The following MFSD8 variants were observed in gnomAD, a reference collection of about 807,000 sequenced individuals.
MFSD8 encodes major facilitator superfamily domain-containing protein 8.
A neutral mutation model predicts 66.4 loss-of-function variants in MFSD8; 55 were observed. That is an observed-to-expected ratio of 0.83 (90% confidence interval 0.67 to 1.04). The LOEUF (loss-of-function observed/expected upper bound fraction) is 1.04, where lower values mean the gene tolerates loss of function less well. Ranked by LOEUF, MFSD8 falls within the 50% of genes least tolerant of loss-of-function variation. The pLI is 0.00. For missense variants in MFSD8, 550 were observed against 627.6 expected, an observed-to-expected ratio of 0.88 and a Z score of 1.32; for synonymous variants, 202 against 212.8, an observed-to-expected ratio of 0.95 and a Z score of 0.44.
At chr4:127,944,526 G>T (rs549465365) in intron 3 of MFSD8, among the ~76,000 whole-genome samples, 1 of 152,236 alleles carries the variant, frequency 6.6e-6, no homozygotes, top group South Asian at 2.1e-4. Flanking sequence ...AGACCACTCA[G>T]TATTCTACCA....
intron 1 of MFSD8, among the ~76,000 whole-genome samples, chr4:127,958,511 G>A (rs1743247130): frequency 6.6e-6 from 1 of 151,938 alleles, no homozygotes; most frequent in South Asian, 2.1e-4. Context: ...AAAGGAAGAA[G>A]AGAAACAATG....
chr4:127,948,672 T>G (rs779595187), intron 3 of MFSD8, among the ~76,000 whole-genome samples: 16 of 152,208 alleles, frequency 1.1e-4, no homozygotes, highest in South Asian at 2.1e-4. Flanking sequence ...ATGAAGGCTG[T>G]GCCCTCATGA....
intron 9 of MFSD8, among the ~76,000 whole-genome samples, chr4:127,927,324 G>A (rs1284941878): frequency 1.3e-5 from 2 of 151,996 alleles, no homozygotes; most frequent in Non-Finnish European, 2.9e-5. Flanking sequence ...TACAGGCACT[G>A]GCCACCACAC....
chr4:127,962,612 A>C (rs1743983051), intron 1 of MFSD8, among the ~76,000 whole-genome samples: 1 of 151,086 alleles, frequency 6.6e-6, no homozygotes, highest in Non-Finnish European at 1.5e-5. Context: ...TCAAGTAAAG[A>C]TAAAACTGCA....
chr4:127,937,281 G>T (rs1739246076), intron 7 of MFSD8, among the ~76,000 whole-genome samples: 1 of 152,136 alleles, frequency 6.6e-6, no homozygotes, highest in Non-Finnish European at 1.5e-5. Context: ...TATTCAGCTT[G>T]ATCCAAATTG....
intron 5 of MFSD8, among the ~76,000 whole-genome samples, chr4:127,941,473 T>G (rs894259792): frequency 3.3e-5 from 5 of 152,134 alleles, no homozygotes; most frequent in Non-Finnish European, 7.4e-5. Context: ...TCTCATTAAT[T>G]TTTTTTGAGA....
intron 9 of MFSD8, among the ~76,000 whole-genome samples, chr4:127,928,620 G>C (rs1017249572): frequency 9.9e-5 from 15 of 152,156 alleles, no homozygotes; most frequent in African/African-American, 3.4e-4. Context: ...TGGAGAAAGG[G>C]GAACCCTTGT....
intron 8 of MFSD8, among the ~76,000 whole-genome samples, chr4:127,931,459 G>A (rs536843898): frequency 6.6e-6 from 1 of 152,256 alleles, no homozygotes; most frequent in East Asian, 1.9e-4. Context: ...CTGGGTTCAA[G>A]CAATTCTCCT....
chr4:127,930,039 G>T (rs1737870669), intron 9 of MFSD8, among the ~76,000 whole-genome samples: 2 of 152,100 alleles, frequency 1.3e-5, no homozygotes, highest in South Asian at 4.1e-4. Flanking sequence ...GCCCAGGAAT[G>T]AGACTAGCCT....
intron 3 of MFSD8, 86 bp from the exon 4 acceptor site, chr4:127,944,078 C>T (rs1406169548): frequency 8.3e-6 from 13 of 1,566,466 alleles, no homozygotes; most frequent in Non-Finnish European, 1.1e-5. Flanking sequence ...GTAAGATTTC[C>T]TATCAAAAAA....
intron 11 of MFSD8, chr4:127,921,074 A>G: frequency 1.7e-6 from 1 of 576,278 alleles, no homozygotes; most frequent in Non-Finnish European, 3.1e-6. Flanking sequence ...TGGGAATAAT[A>G]AAATTGATTA....
chr4:127,965,580 C>T, upstream of MFSD8: 1 of 225,936 alleles, frequency 4.4e-6, no homozygotes, highest in Non-Finnish European at 9.1e-6. Context: ...CCGGCCAGCT[C>T]GATCGCAGGC....
chr4:127,949,696 T>G (rs1262050864), intron 3 of MFSD8, 108 bp downstream of exon 3: 13 of 917,862 alleles, frequency 1.4e-5, no homozygotes, highest in Non-Finnish European at 2.2e-5. Context: ...ATTATTCTTG[T>G]AAAGATTAAA....
At chr4:127,922,873 T>A (rs1236349892) in intron 9 of MFSD8, among the ~76,000 whole-genome samples, 1 of 152,172 alleles carries the variant, frequency 6.6e-6, no homozygotes, top group Non-Finnish European at 1.5e-5. Context: ...AATGATTCAT[T>A]AATGAATTAA....
At chr4:127,923,243 A>C (rs1354341526) in intron 9 of MFSD8, among the ~76,000 whole-genome samples, 1 of 152,212 alleles carries the variant, frequency 6.6e-6, no homozygotes, top group East Asian at 1.9e-4. Flanking sequence ...TTGCCCATTC[A>C]GTATGATACT....
rs752624076 is a variant in MFSD8, at chr4:127,965,088, C to G, written c.46G>C (p.Asp16His). 1.9e-6 allele frequency: 3 copies of G among 1,613,828 alleles called. No individual in the cohort carries two copies. The highest frequency in any genetic ancestry group is 2.5e-6 in the Non-Finnish European group (3 of 1,180,010). ...NESEQEPLLGDTPGSREWDIL... is the reference protein window; with the variant it reads ...NESEQEPLLGHTPGSREWDIL... ...TCCGCTCACCTGCTTCCAGGTGTGT[C>G]GCCTAAGAGCGGCTCCTGTTCACTT... The change falls in exon 1 of 12, where the codon GAC becomes CAC. Residue 16 changes from aspartate to histidine, a missense_variant. Transcript: ENST00000641686.
intron 2 of MFSD8, among the ~76,000 whole-genome samples, chr4:127,952,320 C>T (rs1158989800): frequency 3.3e-5 from 5 of 151,772 alleles, no homozygotes; most frequent in Admixed American, 3.3e-4. Context: ...AGGAGAATGG[C>T]GAGAACCCGG....
At chr4:127,933,278 T>C (rs1738478579) in intron 7 of MFSD8, 185 bp from the exon 8 acceptor site, 1 of 502,898 alleles carries the variant, frequency 2.0e-6, no homozygotes, top group Non-Finnish European at 3.6e-6. Context: ...AGGGTCTCAC[T>C]CTGTCACCCA....
intron 2 of MFSD8, among the ~76,000 whole-genome samples, chr4:127,953,153 T>C (rs561160031): frequency 1.3e-5 from 2 of 152,122 alleles, no homozygotes; most frequent in Non-Finnish European, 2.9e-5. Context: ...GGGTACATTC[T>C]GATTAGTCTA....
Sources: allele counts gnomAD v4.1 joint callset (sites outside exome capture counted in the v4.1 genomes callset), GRCh38; gene constraint gnomAD v4.1.1; transcripts MANE v1.5; gene names NCBI Gene and HGNC (gene_info 2026-07-23, HGNC 2026-07-21).